Variants in MTA3 observed in about 807,000 individuals in gnomAD.
MTA3 encodes the protein metastasis associated 1 family member 3.
MTA3 carries 34 observed loss-of-function variants against 83.5 expected under a neutral mutation model. That is an observed-to-expected ratio of 0.41 (90% CI 0.31 to 0.54). The LOEUF is 0.54. Among genes scored for constraint, MTA3 ranks in the 20% least tolerant of loss-of-function variants. The pLI, the probability that MTA3 is intolerant of heterozygous loss-of-function variation, is 0.33. For synonymous variants in MTA3, 303 were observed against 252.7 expected (o/e 1.20, Z -1.89); for missense variants, 761 against 726.4 (o/e 1.05, Z -0.55).
chr2:42,645,252 C>T (rs940790720), intron 6 of MTA3, among the ~76,000 whole-genome samples: 1 of 150,798 alleles, frequency 6.6e-6, no homozygotes, highest in Admixed American at 6.6e-5. Context: ...AGGCTGGGTG[C>T]AGTGGCTCAT....
At chr2:42,543,613 G>A (rs1676621072) in intron 2 of MTA3, among the ~76,000 whole-genome samples, 1 of 151,414 alleles carries the variant, frequency 6.6e-6, no homozygotes, top group Non-Finnish European at 1.5e-5. Context: ...ATCCTCCCAA[G>A]GGACTGGGAC....
Position 42,676,072 on chromosome 2 carries a change from C to T in MTA3, c.703-6329C>T, listed in dbSNP as rs188136835. Among the ~76,000 whole-genome samples the T allele has an allele frequency of 1.2e-4, 18 of 152,256 alleles. No homozygotes were observed. In the South Asian group the frequency reaches 1.2e-3, roughly 11 times the overall value. On this transcript the variant is annotated intron_variant, in intron 8 of 16. Transcript: ENST00000405094. ...TCCTTTGGTCTTTGGTATAAATGTG[C>T]GCTTTGGAGGTTTCATATCTCCTGG...
chr2:42,707,039 A>G (rs777381818), intron 12 of MTA3, among the ~76,000 whole-genome samples: 5 of 137,852 alleles, frequency 3.6e-5, no homozygotes, highest in South Asian at 2.3e-4. Flanking sequence ...TGGTGCAATC[A>G]CAGTGGCCTC....
chr2:42,627,099 C>T (rs1052807862), intron 4 of MTA3, among the ~76,000 whole-genome samples: 9 of 151,984 alleles, frequency 5.9e-5, no homozygotes, highest in African/African-American at 2.2e-4. Context: ...TCCTTTAGCA[C>T]AGGATTTCTC....
rs1038322772 is a variant in MTA3 at position 42,527,591 on chromosome 2, C to G, written c.-141+32337C>G. Among the ~76,000 whole-genome samples, 6 of 152,064 alleles carry G rather than the reference C, an allele frequency of 3.9e-5. No individual in the cohort carries two copies. The South Asian group carries it at 1.0e-3, about 26-fold the overall frequency. ...TTAAAAAGCAAATACAGACATTTAT[C>G]TACATTATCTACAGAATACCTGACC... On this transcript the variant is annotated intron_variant, in intron 2 of 17. Transcript: ENST00000405592.
At chr2:42,515,944 C>T (rs942514370) in intron 2 of MTA3, among the ~76,000 whole-genome samples, 15 of 151,400 alleles carry the variant, frequency 9.9e-5, no homozygotes, top group Non-Finnish European at 1.9e-4. Context: ...GGGTTCACGC[C>T]ATTCTCCTGC....
intron 7 of MTA3, 145 bp from the exon 8 acceptor site, chr2:42,659,618 G>C (rs1689483149): frequency 2.3e-6 from 1 of 426,020 alleles, no homozygotes; most frequent in East Asian, 4.5e-5. Flanking sequence ...CTTTTTATTT[G>C]ATGTTTGATT....
In MTA3 at chr2:42,708,978, C is replaced by G. The variant is rs1666364314; in HGVS notation, c.1407C>G (p.Phe469Leu). ...KSAVKTRQAF[F>L]LHTTYFTKFA... ...CAGTGAAGACCCGCCAAGCTTTCTT[C>G]CTTCATACTACATATTTCACAAAAT... Residue 469 changes from phenylalanine (F) to leucine (L), a missense_variant, in exon 14 of 17, where the codon TTC becomes TTG. Physicochemically the swap from Phe to Leu is conservative, Grantham distance 22. Transcript: ENST00000405094. 2 of 1,614,020 alleles carry G rather than the reference C, an allele frequency of 1.2e-6. No individual in the cohort carries two copies. The highest frequency in any genetic ancestry group is 1.7e-6 in the Non-Finnish European group (2 of 1,179,890).
At chr2:42,572,355 C>T (rs887105265) in intron 2 of MTA3, among the ~76,000 whole-genome samples, 4 of 151,784 alleles carry the variant, frequency 2.6e-5, no homozygotes, top group Non-Finnish European at 5.9e-5. Flanking sequence ...AAGCTGAGGC[C>T]TCAGGATCCT....
chr2:42,737,905 C>G lies in MTA3; in HGVS notation c.1759+14870C>G, dbSNP rs577753653. Among the ~76,000 whole-genome samples the G allele has an allele frequency of 3.9e-5, 6 of 152,308 alleles. No individual in the cohort carries two copies. The South Asian group carries it at 8.3e-4, about 21-fold the overall frequency. On this transcript the variant is annotated intron_variant, in intron 16 of 16. Transcript: ENST00000405094. ...TACTATTGAGTTCAGTTCAACACCA[C>G]TGCAATAAAGCTAATATCACAATAA... is the stretch of plus-strand genomic sequence containing the variant.
chr2:42,672,992 G>A (rs1398988747), intron 8 of MTA3, among the ~76,000 whole-genome samples: 1 of 151,786 alleles, frequency 6.6e-6, no homozygotes, highest in Non-Finnish European at 1.5e-5. Flanking sequence ...GATTACAGGT[G>A]CGCGCCATCA....
chr2:42,528,863 G>C (rs541107383), intron 2 of MTA3, among the ~76,000 whole-genome samples: 1 of 152,234 alleles, frequency 6.6e-6, no homozygotes, highest in Non-Finnish European at 1.5e-5. Context: ...TGTGGTCAGA[G>C]AATTTATGGA....
At chr2:42,738,660 T>G (rs908480618) in intron 16 of MTA3, among the ~76,000 whole-genome samples, 20 of 152,238 alleles carry the variant, frequency 1.3e-4, no homozygotes, top group Non-Finnish European at 2.9e-5. Flanking sequence ...TGACTGCTGG[T>G]GAGCCAGGCA....
At chr2:42,742,280 A>G (rs1669094602) in intron 16 of MTA3, among the ~76,000 whole-genome samples, 1 of 152,150 alleles carries the variant, frequency 6.6e-6, no homozygotes, top group African/African-American at 2.4e-5. Flanking sequence ...CTGGGATTAC[A>G]GGCATCCGTC....
chr2:42,504,697 G>T (rs547602292), intron 2 of MTA3, among the ~76,000 whole-genome samples: 5 of 148,570 alleles, frequency 3.4e-5, no homozygotes, highest in African/African-American at 1.2e-4. Flanking sequence ...TGGTCTCCCT[G>T]TGTTGCCCAG....
chr2:42,698,225 T>C (rs571854527), intron 11 of MTA3, among the ~76,000 whole-genome samples: 2 of 152,342 alleles, frequency 1.3e-5, no homozygotes, highest in South Asian at 4.1e-4. Flanking sequence ...TTGAGGATTT[T>C]ACATTGTTTT....
intron 16 of MTA3, among the ~76,000 whole-genome samples, chr2:42,737,880 T>C (rs1309966335): frequency 1.3e-5 from 2 of 152,192 alleles, no homozygotes. Context: ...ACCTCAGAGA[T>C]ACTATTGAGT....
chr2:42,702,326 G>A (rs1665660127), intron 11 of MTA3: 1 of 152,270 alleles, frequency 6.6e-6, no homozygotes, highest in South Asian at 2.1e-4. Flanking sequence ...AGAGATCTCA[G>A]TGCACACAGT....
intron 2 of MTA3, among the ~76,000 whole-genome samples, chr2:42,518,111 G>A (rs1018404418): frequency 2.6e-5 from 4 of 151,854 alleles, no homozygotes; most frequent in Non-Finnish European, 4.4e-5. Flanking sequence ...AACCCGGGAG[G>A]CAGAGGTTGC....
Sources: gnomAD v4.1 joint callset for allele counts (sites outside exome capture counted in the v4.1 genomes callset) on GRCh38, gnomAD v4.1.1 for gene constraint, MANE v1.5 for transcripts, NCBI Gene and HGNC (gene_info 2026-07-23, HGNC 2026-07-21) for gene names.